The following IQGAP2 variants were observed in gnomAD, a reference collection of about 807,000 sequenced individuals.
The protein encoded by IQGAP2 is ras GTPase-activating-like protein IQGAP2.
Under a neutral mutation model 201.3 loss-of-function variants are expected in IQGAP2, and 173 were observed. The observed-to-expected ratio is 0.86, with a 90% CI of 0.76 to 0.98. The LOEUF (loss-of-function observed/expected upper bound fraction) is 0.98. Ranked by LOEUF, IQGAP2 falls within the 50% of genes least tolerant of loss-of-function variation. The pLI, the probability that IQGAP2 is intolerant of heterozygous loss-of-function variation, is 0.00. For synonymous variants in IQGAP2, 675 were observed against 673.9 expected, an observed-to-expected ratio of 1.00 and a Z score of -0.03; for missense variants, 1,687 against 1,864.8, an observed-to-expected ratio of 0.90 and a Z score of 1.76.
At chr5:76,645,756 A>T (rs991582310) in intron 17 of IQGAP2, among the ~76,000 whole-genome samples, 2 of 152,142 alleles carry the variant, frequency 1.3e-5, no homozygotes, top group African/African-American at 4.8e-5. Flanking sequence ...ATACCAGAAA[A>T]TTTTACATAA....
chr5:76,607,917 A>G (rs1453906204), intron 12 of IQGAP2: 1 of 152,254 alleles, frequency 6.6e-6, no homozygotes, highest in Non-Finnish European at 1.5e-5. Context: ...ATTCTTGGCA[A>G]TACCCATGCT....
intron 1 of IQGAP2, among the ~76,000 whole-genome samples, chr5:76,428,954 G>A (rs918770368): frequency 4.6e-5 from 7 of 151,542 alleles, no homozygotes; most frequent in African/African-American, 1.7e-4. Flanking sequence ...TTAGCCAGGC[G>A]TGATGACACA....
chr5:76,651,019 C>T (rs1752477287), intron 17 of IQGAP2, among the ~76,000 whole-genome samples: 1 of 152,292 alleles, frequency 6.6e-6, no homozygotes, highest in East Asian at 1.9e-4. Flanking sequence ...TTTGATACTG[C>T]TAAATTCCCT....
rs755743052 is a variant in IQGAP2, at chr5:76,674,445, A to T, written c.3295-32A>T. The T allele has an allele frequency of 3.7e-6, 5 of 1,336,228 alleles. No individual in the cohort carries two copies. In the South Asian group the frequency reaches 6.3e-5, roughly 17 times the overall value. The allele number at this position is 1,336,228 out of a possible 1,614,324, so 82.8% of individuals were successfully genotyped here. A position where few individuals can be genotyped will look rare whatever the true frequency, so the allele number is the denominator to read the frequency against. On this transcript the variant is annotated intron_variant, in intron 26 of 35. Transcript: ENST00000274364. The stretch of plus-strand genomic sequence containing the variant: ...CTAAAACTCTTGAGTTTTCTCTCTT[A>T]AAAATGGTCATGCACTTCTGCGTCA...
At chr5:76,496,765 C>CTTTCTT (rs1561416607) in intron 2 of IQGAP2, among the ~76,000 whole-genome samples, 1 of 71,982 alleles carries the variant, frequency 1.4e-5, no homozygotes, top group African/African-American at 7.1e-5. Flanking sequence ...TTCTTTCTTT[C>CTTTCTT]TTTCTTTCTT....
At chr5:76,543,443 G>A (rs1345823052) in intron 2 of IQGAP2, among the ~76,000 whole-genome samples, 3 of 152,196 alleles carry the variant, frequency 2.0e-5, no homozygotes, top group Admixed American at 2.0e-4. Context: ...GAGCCTAGGT[G>A]GACCGGCCTC....
intron 1 of IQGAP2, among the ~76,000 whole-genome samples, chr5:76,446,317 G>A (rs1753390478): frequency 6.6e-6 from 1 of 151,646 alleles, no homozygotes; most frequent in Non-Finnish European, 1.5e-5. Context: ...ATACACGCAG[G>A]TTTCATTTTT....
chr5:76,601,204 C>T lies in IQGAP2; in HGVS notation c.1232+232C>T, dbSNP rs113713799. 6.5e-3 allele frequency among the ~76,000 whole-genome samples: 986 copies of T among 152,218 alleles called. 7 individuals carry two copies. The highest frequency in any genetic ancestry group is 0.016 in the African/African-American group (651 of 41,524). ...TGTGGCAATTAATAAATGACTTTGT[C>T]GTTGGCAAAGATTATTTGATAGGCT... is the stretch of plus-strand genomic sequence containing the variant. On this transcript the variant is annotated intron_variant, in intron 11 of 35. Transcript: ENST00000274364.
At chr5:76,414,090 C>CA (rs1433692487) in intron 1 of IQGAP2, among the ~76,000 whole-genome samples, 2 of 152,210 alleles carry the variant, frequency 1.3e-5, no homozygotes, top group African/African-American at 4.8e-5. Flanking sequence ...GGCCGCAACT[C>CA]ACGTGCCCAC....
chr5:76,527,490 A>G (rs1204777399), intron 2 of IQGAP2, among the ~76,000 whole-genome samples: 1 of 152,238 alleles, frequency 6.6e-6, no homozygotes, highest in Admixed American at 6.5e-5. Flanking sequence ...AAGTGAAAAT[A>G]TAGTAAATTC....
intron 14 of IQGAP2, chr5:76,628,598 A>AACCTGCC (rs1242723647): frequency 2.6e-6 from 1 of 387,328 alleles, no homozygotes; most frequent in African/African-American, 2.2e-5. Flanking sequence ...ATATTTCACT[A>AACCTGCC]ACCTGCCAAC....
intron 35 of IQGAP2, among the ~76,000 whole-genome samples, chr5:76,705,789 T>C (rs753947179): frequency 6.6e-6 from 1 of 152,186 alleles, no homozygotes; most frequent in Non-Finnish European, 1.5e-5. Flanking sequence ...ACTTCTACAA[T>C]TGACCTTGCT....
At chr5:76,441,573 C>T (rs1580197483) in intron 1 of IQGAP2, 1 of 947,020 alleles carries the variant, frequency 1.1e-6, no homozygotes, top group Non-Finnish European at 1.3e-6. Flanking sequence ...TGGCAGGGTT[C>T]GTGAATCTCA....
At chr5:76,558,436 T>G (rs1580454063) in intron 2 of IQGAP2, among the ~76,000 whole-genome samples, 1 of 152,252 alleles carries the variant, frequency 6.6e-6, no homozygotes, top group African/African-American at 2.4e-5. Context: ...TGTGTTTTAA[T>G]GTGAAATCAC....
chr5:76,536,065 C>CTTTTTTTTTTTTTTTT (rs545584812), intron 2 of IQGAP2, among the ~76,000 whole-genome samples: 1 of 123,744 alleles, frequency 8.1e-6, no homozygotes, highest in African/African-American at 3.1e-5. Context: ...GGAGCATATT[C>CTTTTTTTTTTTTTTTT]TTTTTTTTTT....
intron 1 of IQGAP2, among the ~76,000 whole-genome samples, chr5:76,412,610 C>G (rs1294576655): frequency 6.6e-6 from 1 of 152,178 alleles, no homozygotes; most frequent in African/African-American, 2.4e-5. Flanking sequence ...ATTTCACATA[C>G]TTATGCCTAG....
At chr5:76,616,293 G>A (rs1463795491) in intron 13 of IQGAP2, 1 of 152,374 alleles carries the variant, frequency 6.6e-6, no homozygotes, top group Admixed American at 6.5e-5. Context: ...AAAGACGTTA[G>A]GACTAGCTTT....
At chr5:76,598,605 A>G (rs974804047) in intron 10 of IQGAP2, among the ~76,000 whole-genome samples, 14 of 152,228 alleles carry the variant, frequency 9.2e-5, no homozygotes, top group African/African-American at 3.1e-4. Flanking sequence ...TCTCCTACAC[A>G]GCTGCTGGGA....
At chr5:76,429,164 A>G (rs879905391) in intron 1 of IQGAP2, among the ~76,000 whole-genome samples, 2 of 152,020 alleles carry the variant, frequency 1.3e-5, no homozygotes, top group Admixed American at 6.6e-5. Flanking sequence ...GAAGTAGGTC[A>G]TGTATGTTTT....
Sources: gnomAD v4.1 joint callset for allele counts (sites outside exome capture counted in the v4.1 genomes callset) on GRCh38, gnomAD v4.1.1 for gene constraint, MANE v1.5 for transcripts, NCBI Gene and HGNC (gene_info 2026-07-23, HGNC 2026-07-21) for gene names.